The following SLC7A2 variants were observed in gnomAD, a reference collection of about 807,000 sequenced individuals.
The protein encoded by SLC7A2 is cationic amino acid transporter 2.
Under a neutral mutation model 58.9 loss-of-function variants are expected in SLC7A2, and 48 were observed. That is an observed-to-expected ratio of 0.82 (90% CI 0.65 to 1.04). The LOEUF is 1.04. Among genes scored for constraint, SLC7A2 ranks in the 50% least tolerant of loss-of-function variants. The pLI, the probability that SLC7A2 is intolerant of heterozygous loss-of-function variation, is 0.00. For missense variants in SLC7A2, 1,029 were observed against 818.8 expected (o/e 1.26, Z -3.13); for synonymous variants, 363 against 314.5 (o/e 1.15, Z -1.63).
intron 12 of SLC7A2, among the ~76,000 whole-genome samples, chr8:17,564,019 G>T (rs1385319837): frequency 6.6e-6 from 1 of 152,136 alleles, no homozygotes; most frequent in African/African-American, 2.4e-5. Context: ...AACTAAAACA[G>T]CAAAATGCCT....
At chr8:17,547,821 TG>T (rs1802249414) in intron 4 of SLC7A2, among the ~76,000 whole-genome samples, 1 of 149,662 alleles carries the variant, frequency 6.7e-6, no homozygotes. Context: ...TGTGTGTGTG[TG>T]TTTACAAAAT....
chr8:17,537,938 ATTT>A (rs976918028), intron 2 of SLC7A2, among the ~76,000 whole-genome samples: 7 of 151,590 alleles, frequency 4.6e-5, no homozygotes, highest in Admixed American at 3.3e-4. Context: ...GCTTCATTTA[ATTT>A]TTTTTTCTGC....
intron 2 of SLC7A2, among the ~76,000 whole-genome samples, chr8:17,515,143 C>T (rs1800752285): frequency 6.6e-6 from 1 of 152,078 alleles, no homozygotes; most frequent in Admixed American, 6.6e-5. Flanking sequence ...AAACGTTTAC[C>T]AACTCAATAT....
In SLC7A2 at chr8:17,570,304, A is replaced by G. The variant is rs915315905; in HGVS notation, c.*5158A>G. The G allele has an allele frequency of 1.3e-5, 2 of 152,552 alleles. No individual in the cohort carries two copies. Among genetic ancestry groups the G allele is most frequent in the African/African-American group, 4.8e-5 (2 of 41,444 alleles). 9.4% of individuals were successfully genotyped at this position (152,552 alleles called of 1,614,324 possible). A position where few individuals can be genotyped will look rare whatever the true frequency, so the allele number is the denominator to read the frequency against. On this transcript the variant is annotated 3_prime_UTR_variant, in exon 13 of 13. Coordinates refer to ENST00000494857, the MANE Select transcript of SLC7A2 (RefSeq NM_001370338.1). ...GTATTTTGTTATTGCAGTACTTAAT[A>G]AAAATTGTTGATAGGGCCCAAAACC...
chr8:17,560,245 C>G (rs542845686), intron 9 of SLC7A2, 83 bp from the exon 10 acceptor site: 22 of 963,842 alleles, frequency 2.3e-5, no homozygotes, highest in Non-Finnish European at 3.6e-5. Flanking sequence ...TGTATGATGT[C>G]TTACTTAAGG....
At chr8:17,512,147 T>G (rs1447603432) in intron 2 of SLC7A2, among the ~76,000 whole-genome samples, 1 of 152,150 alleles carries the variant, frequency 6.6e-6, no homozygotes, top group Non-Finnish European at 1.5e-5. Context: ...GTATATCGTA[T>G]GTCAGGCTTT....
At position 17,569,926 on chromosome 8, in the gene SLC7A2, G is replaced by A. The variant is rs1803436433; in HGVS notation, c.*4780G>A. 1 of 152,168 alleles carries A rather than the reference G, an allele frequency of 6.6e-6. No homozygotes were observed. Among genetic ancestry groups the A allele is most frequent in the South Asian group, 2.1e-4 (1 of 4,830 alleles). The allele number at this position is 152,168 out of a possible 1,614,324, so 9.4% of individuals were successfully genotyped here. ...TGAGCATCTATGTGTAGCTACCCTT[G>A]TTGGGTGGGCTCTTAGACTGATGGG... On this transcript the variant is annotated 3_prime_UTR_variant, in exon 13 of 13. Coordinates refer to ENST00000494857, the MANE Select transcript of SLC7A2 (RefSeq NM_001370338.1).
At chr8:17,494,764 T>C (rs1799917775), upstream of SLC7A2, among the ~76,000 whole-genome samples, 1 of 152,230 alleles carries the variant, frequency 6.6e-6, no homozygotes, top group Admixed American at 6.5e-5. Context: ...GGTTAATCAA[T>C]AATTTCAAAC....
intron 2 of SLC7A2, among the ~76,000 whole-genome samples, chr8:17,535,071 A>G (rs1801607867): frequency 6.6e-6 from 1 of 152,174 alleles, no homozygotes; most frequent in South Asian, 2.1e-4. Flanking sequence ...TGATACAGTC[A>G]GAATGATGTT....
chr8:17,498,964 C>T (rs1800052306), intron 1 of SLC7A2: 1 of 152,138 alleles, frequency 6.6e-6, no homozygotes, highest in East Asian at 1.9e-4. Flanking sequence ...GTATCTTTGC[C>T]TTTTGAACAC....
intron 2 of SLC7A2, chr8:17,538,724 A>G (rs1168884068): frequency 2.1e-6 from 3 of 1,409,430 alleles, no homozygotes; most frequent in Admixed American, 2.2e-5. Context: ...CAAAAACAGT[A>G]TGGTAAAGAT....
At position 17,550,273 on chromosome 8, in the gene SLC7A2, T is replaced by C. The variant is rs1186078635; in HGVS notation, c.699-28T>C. The C allele has an allele frequency of 4.4e-6, 7 of 1,607,760 alleles. No homozygotes were observed. The East Asian group carries it at 1.6e-4, about 36-fold the overall frequency. On this transcript the variant is annotated intron_variant, in intron 5 of 12. Transcript: ENST00000494857. ...AAGGAGAGTTTTCTGTCAAAGTGAC[T>C]TTCCAATGTGTTTGTTCTCTTTCTT...
At chr8:17,505,662 G>A (rs1585180120) in intron 2 of SLC7A2, among the ~76,000 whole-genome samples, 1 of 152,236 alleles carries the variant, frequency 6.6e-6, no homozygotes, top group South Asian at 2.1e-4. Flanking sequence ...ATTTGTAAAT[G>A]TCTGACATAA....
intron 8 of SLC7A2, among the ~76,000 whole-genome samples, chr8:17,556,801 G>T (rs1397942858): frequency 6.6e-6 from 1 of 151,994 alleles, no homozygotes; most frequent in African/African-American, 2.4e-5. Flanking sequence ...TAGAGATGGG[G>T]TTTCACCATG....
At chr8:17,554,811 C>T in intron 8 of SLC7A2, 112 bp downstream of exon 8, 1 of 1,448,354 alleles carries the variant, frequency 6.9e-7, no homozygotes, top group Non-Finnish European at 9.3e-7. Context: ...GAAGTTCAGT[C>T]ACTTTTTTGT....
intron 2 of SLC7A2, among the ~76,000 whole-genome samples, chr8:17,536,242 C>G (rs1485736810): frequency 1.3e-5 from 2 of 152,060 alleles, no homozygotes; most frequent in African/African-American, 4.8e-5. Flanking sequence ...TACCGATAAT[C>G]CAGATTGGTT....
chr8:17,521,145 T>A (rs1800999231), intron 2 of SLC7A2, among the ~76,000 whole-genome samples: 1 of 152,204 alleles, frequency 6.6e-6, no homozygotes, highest in Admixed American at 6.5e-5. Flanking sequence ...CTTGAGCCAT[T>A]TTAGGATACT....
At chr8:17,500,181 C>A (rs11203866) in intron 1 of SLC7A2, 1 of 152,006 alleles carries the variant, frequency 6.6e-6, no homozygotes, top group South Asian at 2.1e-4. Context: ...TTAAAAAATA[C>A]CACCACTTCT....
chr8:17,515,209 A>T (rs560144937), intron 2 of SLC7A2, among the ~76,000 whole-genome samples: 1 of 152,228 alleles, frequency 6.6e-6, no homozygotes, highest in Admixed American at 6.5e-5. Context: ...TACTTTTCCA[A>T]AGTCATCAAT....
Sources: allele counts gnomAD v4.1 joint callset (sites outside exome capture counted in the v4.1 genomes callset), GRCh38; gene constraint gnomAD v4.1.1; transcripts MANE v1.5; gene names NCBI Gene and HGNC (gene_info 2026-07-23, HGNC 2026-07-21).